Variants in LRRC74A observed in about 807,000 individuals in gnomAD.
LRRC74A encodes the protein leucine-rich repeat-containing protein 74A.
A neutral mutation model predicts 57.9 loss-of-function variants in LRRC74A; 44 were observed. The ratio of observed to expected loss-of-function variants is 0.76; its 90% confidence interval spans 0.60 to 0.98. The LOEUF (loss-of-function observed/expected upper bound fraction) is 0.98. Ranked by LOEUF, LRRC74A falls within the 50% of genes least tolerant of loss-of-function variation. The probability of loss-of-function intolerance (pLI) is 0.00; values close to 1 mark genes in which losing one functional copy is unlikely to be tolerated. For missense variants in LRRC74A, 572 were observed against 574.0 expected (o/e 1.00, Z 0.04); for synonymous variants, 211 against 219.4 (o/e 0.96, Z 0.34).
At chr14:76,857,517 C>T (rs1009795598) in intron 10 of LRRC74A, 42 bp downstream of exon 10, 1 of 1,387,280 alleles carries the variant, frequency 7.2e-7, no homozygotes. Flanking sequence ...GGGCACAAGC[C>T]AGTGACCCTG....
chr14:76,846,726 G>A (rs1010132189), intron 7 of LRRC74A, among the ~76,000 whole-genome samples: 5 of 152,164 alleles, frequency 3.3e-5, no homozygotes, highest in Non-Finnish European at 5.9e-5. Context: ...CTATTGGTTG[G>A]ATGATGGTGT....
chr14:76,847,026 A>AC (rs1420432020), intron 7 of LRRC74A, among the ~76,000 whole-genome samples: 2 of 152,154 alleles, frequency 1.3e-5, no homozygotes, highest in Non-Finnish European at 2.9e-5. Context: ...CCTTTGGGTC[A>AC]CTCCGACATT....
chr14:76,867,003 TGTGGGGGG>T (rs1898886258), intron 12 of LRRC74A, among the ~76,000 whole-genome samples: 1 of 14,468 alleles, frequency 6.9e-5, no homozygotes, highest in African/African-American at 3.7e-4. Flanking sequence ...TGTGTGGTAG[TGTGGGGGG>T]GTGTGTGTTG....
intron 11 of LRRC74A, among the ~76,000 whole-genome samples, chr14:76,865,421 C>T (rs978207875): frequency 5.9e-5 from 9 of 152,082 alleles, no homozygotes; most frequent in Admixed American, 5.2e-4. Flanking sequence ...AATGAAATAT[C>T]CTTTTAAAAA....
At chr14:76,844,789 A>C (rs1595365806) in intron 6 of LRRC74A, 31 bp from the exon 7 acceptor site, 1 of 1,249,682 alleles carries the variant, frequency 8.0e-7, no homozygotes, top group Non-Finnish European at 1.2e-6. Context: ...AAGACAAAAA[A>C]TCCTTCTCTT....
At chr14:76,854,189 G>A (rs542254117) in intron 9 of LRRC74A, among the ~76,000 whole-genome samples, 2 of 152,290 alleles carry the variant, frequency 1.3e-5, no homozygotes, top group South Asian at 4.1e-4. Flanking sequence ...CTCCGTCTAG[G>A]GGACCTGCTC....
chr14:76,868,113 G>A (rs761954220), intron 13 of LRRC74A, among the ~76,000 whole-genome samples: 1 of 152,224 alleles, frequency 6.6e-6, no homozygotes, highest in Non-Finnish European at 1.5e-5. Flanking sequence ...CCATGGCAAT[G>A]CTGCCATCAC....
chr14:76,842,015 G>C (rs8015192), intron 5 of LRRC74A, among the ~76,000 whole-genome samples: 6 of 151,792 alleles, frequency 4.0e-5, no homozygotes, highest in Non-Finnish European at 5.9e-5. Flanking sequence ...CCCAGCCCCA[G>C]GTCTTTTTAC....
Position 76,831,137 on chromosome 14 carries a change from G to T in LRRC74A, c.167-66G>T, listed in dbSNP as rs1895941790. The T allele has an allele frequency of 1.9e-5, 29 of 1,502,564 alleles. No homozygotes were observed. The Middle Eastern group carries it at 5.1e-4, about 27-fold the overall frequency. The allele number at this position is 1,502,564 out of a possible 1,614,324, so 93.1% of individuals were successfully genotyped here. On this transcript the variant is annotated intron_variant, in intron 2 of 13. Transcript: ENST00000689127. ...AGTCTAGACATGAGTGAATGTCACTGGGGCTAGAGGGGAGAGAAGGCAAAG... is the reference window on the plus strand; with the variant it reads ...AGTCTAGACATGAGTGAATGTCACTTGGGCTAGAGGGGAGAGAAGGCAAAG...
intron 13 of LRRC74A, 83 bp downstream of exon 13, chr14:76,867,521 T>A: frequency 1.4e-6 from 1 of 716,340 alleles, no homozygotes; most frequent in Non-Finnish European, 2.5e-6. Flanking sequence ...CTTTCCTGTC[T>A]ACACTTTATT....
intron 7 of LRRC74A, among the ~76,000 whole-genome samples, chr14:76,849,610 T>C (rs2140289118): frequency 6.7e-6 from 1 of 148,928 alleles, no homozygotes; most frequent in Non-Finnish European, 1.5e-5. Flanking sequence ...AAGACCAGCC[T>C]GGCCAATATG....
At chr14:76,845,758 C>T (rs960112213) in intron 7 of LRRC74A, among the ~76,000 whole-genome samples, 4 of 152,242 alleles carry the variant, frequency 2.6e-5, no homozygotes, top group South Asian at 2.1e-4. Flanking sequence ...TGGTGGCTTA[C>T]GCCTGTAGTC....
At chr14:76,855,698 A>G (rs964916750) in intron 9 of LRRC74A, among the ~76,000 whole-genome samples, 4 of 152,318 alleles carry the variant, frequency 2.6e-5, no homozygotes, top group Admixed American at 1.3e-4. Context: ...CACGAGGTCC[A>G]GGCCCTAGTC....
At chr14:76,842,168 G>A (rs1896819470) in intron 5 of LRRC74A, among the ~76,000 whole-genome samples, 1 of 152,048 alleles carries the variant, frequency 6.6e-6, no homozygotes, top group Non-Finnish European at 1.5e-5. Flanking sequence ...TTACCGGTGT[G>A]TCTGAAAGCT....
intron 4 of LRRC74A, 55 bp from the exon 5 acceptor site, chr14:76,837,820 A>G: frequency 2.0e-6 from 2 of 1,011,696 alleles, no homozygotes; most frequent in South Asian, 2.9e-5. Context: ...TCATTTTTTC[A>G]TGAGGGCCCT....
chr14:76,857,313 A>G, intron 9 of LRRC74A, 67 bp from the exon 10 acceptor site: 1 of 957,102 alleles, frequency 1.0e-6, no homozygotes, highest in Non-Finnish European at 1.6e-6. Flanking sequence ...TGAGATGTAG[A>G]AACTGTGCTC....
intron 5 of LRRC74A, among the ~76,000 whole-genome samples, chr14:76,840,074 G>A (rs992894542): frequency 2.6e-5 from 4 of 152,116 alleles, no homozygotes; most frequent in Middle Eastern, 3.2e-3. Context: ...TTTTATTGAT[G>A]TCAAGTTTTA....
At chr14:76,826,868 C>G (rs1895613209) in intron 1 of LRRC74A, 134 bp downstream of exon 1, 1 of 536,614 alleles carries the variant, frequency 1.9e-6, no homozygotes, top group East Asian at 5.2e-5. Context: ...ATTTGTTATA[C>G]TGACTTGGGT....
At chr14:76,831,488 C>T (rs1895969343) in intron 3 of LRRC74A, 113 bp downstream of exon 3, 1 of 1,133,148 alleles carries the variant, frequency 8.8e-7, no homozygotes, top group Admixed American at 2.2e-5. Context: ...CACTTTATGC[C>T]CTTATGCCAC....
Sources: allele counts gnomAD v4.1 joint callset (sites outside exome capture counted in the v4.1 genomes callset), GRCh38; gene constraint gnomAD v4.1.1; transcripts MANE v1.5; gene names NCBI Gene and HGNC (gene_info 2026-07-23, HGNC 2026-07-21).